FGF14: variants seen among roughly 807,000 people sequenced by gnomAD.
FGF14 encodes fibroblast growth factor homologous factor 4.
Under a neutral mutation model 25.5 loss-of-function variants are expected in FGF14, and 5 were observed. The observed-to-expected ratio is 0.20, with a 90% confidence interval of 0.10 to 0.41. FGF14 has a LOEUF of 0.41. FGF14 is among the 10% of genes least tolerant of loss of function. The pLI is 1.00. For missense variants in FGF14, 222 were observed against 320.1 expected, an observed-to-expected ratio of 0.69 and a Z score of 2.34; for synonymous variants, 138 against 118.3, an observed-to-expected ratio of 1.17 and a Z score of -1.08.
intron 1 of FGF14, among the ~76,000 whole-genome samples, chr13:102,090,772 C>T (rs929351255): frequency 1.9e-4 from 29 of 152,310 alleles, no homozygotes; most frequent in Middle Eastern, 3.4e-3. Flanking sequence ...TGTATGCCAA[C>T]GGCGAGATGC....
chr13:102,300,710 G>T (rs1164958741), intron 1 of FGF14, among the ~76,000 whole-genome samples: 1 of 151,908 alleles, frequency 6.6e-6, no homozygotes, highest in African/African-American at 2.4e-5. Context: ...ACCATATCTG[G>T]CACAAGAAGA....
chr13:102,119,649 T>C (rs943217828), intron 1 of FGF14, among the ~76,000 whole-genome samples: 1 of 152,210 alleles, frequency 6.6e-6, no homozygotes, highest in African/African-American at 2.4e-5. Flanking sequence ...TGTGTGCATA[T>C]ATATATTCTA....
intron 1 of FGF14, among the ~76,000 whole-genome samples, chr13:102,164,701 G>T (rs563740979): frequency 1.5e-4 from 23 of 152,274 alleles, no homozygotes; most frequent in African/African-American, 5.5e-4. Flanking sequence ...TAGATTAGCT[G>T]GTTCCTCAGT....
rs1284486524 is a variant in FGF14 at position 101,785,335 on chromosome 13, T to C, written c.409-58525A>G. On this transcript the variant is annotated intron_variant, in intron 3 of 4. Transcript: ENST00000376143. ...TTTAAATATCCACAGTTTCAAAGCC[T>C]AGCTTCTCCCAAAGATTAAAAAAAA... Among the ~76,000 whole-genome samples, 19 of 146,304 alleles carry C rather than the reference T, an allele frequency of 1.3e-4. 1 individual carries two copies. Among genetic ancestry groups the C allele is most frequent in the Non-Finnish European group, 6.0e-5 (4 of 66,888 alleles).
chr13:101,769,603 G>A (rs1044993392), intron 3 of FGF14, among the ~76,000 whole-genome samples: 12 of 152,092 alleles, frequency 7.9e-5, no homozygotes, highest in African/African-American at 2.9e-4. Flanking sequence ...GAACATCCAG[G>A]CAATGAAGTA....
intron 1 of FGF14, among the ~76,000 whole-genome samples, chr13:102,174,633 G>T (rs1459226085): frequency 6.6e-6 from 1 of 152,120 alleles, no homozygotes; most frequent in Non-Finnish European, 1.5e-5. Flanking sequence ...AGAAATCGTG[G>T]ATAATGGAGA....
intron 1 of FGF14, among the ~76,000 whole-genome samples, chr13:102,134,715 ATC>A (rs1402859637): frequency 1.3e-5 from 2 of 152,226 alleles, no homozygotes; most frequent in Non-Finnish European, 2.9e-5. Context: ...CTGATATGGC[ATC>A]TGAGATGGAG....
chr13:101,956,240 A>T (rs2036505707), intron 1 of FGF14, among the ~76,000 whole-genome samples: 1 of 152,140 alleles, frequency 6.6e-6, no homozygotes, highest in South Asian at 2.1e-4. Flanking sequence ...CACTGTTAAT[A>T]TGAATATTAA....
chr13:101,951,555 C>T (rs973441898), intron 1 of FGF14, among the ~76,000 whole-genome samples: 6 of 151,838 alleles, frequency 4.0e-5, no homozygotes, highest in African/African-American at 7.3e-5. Context: ...ATTATATTTC[C>T]CAAGAAAATT....
At chr13:102,241,406 CCCATACAATCCATGTGG>C (rs1253959708) in intron 1 of FGF14, among the ~76,000 whole-genome samples, 1 of 152,016 alleles carries the variant, frequency 6.6e-6, no homozygotes, top group Non-Finnish European at 1.5e-5. Context: ...GCAATTGTAC[CCCATACAATCCATGTGG>C]CCAAACACAA....
At chr13:102,182,104 C>G (rs7330633) in intron 1 of FGF14, among the ~76,000 whole-genome samples, 9 of 152,072 alleles carry the variant, frequency 5.9e-5, no homozygotes, top group African/African-American at 2.2e-4. Flanking sequence ...CCTGAGTTAT[C>G]CAGGTGGGCC....
At chr13:102,040,725 C>A (rs981954506) in intron 1 of FGF14, among the ~76,000 whole-genome samples, 2 of 152,130 alleles carry the variant, frequency 1.3e-5, no homozygotes, top group East Asian at 3.9e-4. Flanking sequence ...AAGTGAAAAG[C>A]TATGACATGC....
At chr13:101,836,502 G>C (rs1047370446) in intron 3 of FGF14, among the ~76,000 whole-genome samples, 1 of 152,098 alleles carries the variant, frequency 6.6e-6, no homozygotes, top group Non-Finnish European at 1.5e-5. Context: ...GAAGGAGTCA[G>C]TAATTAGTTT....
At chr13:102,321,404 T>G (rs1214817189) in intron 1 of FGF14, among the ~76,000 whole-genome samples, 2 of 152,188 alleles carry the variant, frequency 1.3e-5, no homozygotes, top group East Asian at 3.8e-4. Flanking sequence ...AAAAAATAAG[T>G]ATTTAACAAT....
intron 1 of FGF14, among the ~76,000 whole-genome samples, chr13:102,218,758 A>T (rs908676538): frequency 1.3e-5 from 2 of 152,136 alleles, no homozygotes; most frequent in African/African-American, 4.8e-5. Context: ...GCTTACTCAT[A>T]AAACGATACA....
At chr13:101,989,094 T>G (rs975283828) in intron 1 of FGF14, among the ~76,000 whole-genome samples, 1 of 152,060 alleles carries the variant, frequency 6.6e-6, no homozygotes. Context: ...AAAAGTGATT[T>G]AAAAAGAATC....
chr13:102,322,650 A>G (rs2056289920), intron 1 of FGF14, among the ~76,000 whole-genome samples: 1 of 152,180 alleles, frequency 6.6e-6, no homozygotes, highest in African/African-American at 2.4e-5. Context: ...CTTTTGGTAC[A>G]ATTATCATCA....
intron 1 of FGF14, among the ~76,000 whole-genome samples, chr13:102,248,852 A>G (rs1330804576): frequency 6.6e-6 from 1 of 152,102 alleles, no homozygotes; most frequent in African/African-American, 2.4e-5. Flanking sequence ...AGCTGAAAAA[A>G]GCATTAAAAG....
chr13:101,791,381 C>G (rs1447099385), intron 3 of FGF14, among the ~76,000 whole-genome samples: 3 of 152,172 alleles, frequency 2.0e-5, no homozygotes, highest in African/African-American at 7.2e-5. Flanking sequence ...CCACTCCTAA[C>G]CTTTACATTA....
Sources: gnomAD v4.1 joint callset for allele counts (sites outside exome capture counted in the v4.1 genomes callset) on GRCh38, gnomAD v4.1.1 for gene constraint, MANE v1.5 for transcripts, NCBI Gene and HGNC (gene_info 2026-07-23, HGNC 2026-07-21) for gene names.